The following MKX variants were observed in gnomAD, a reference collection of about 807,000 sequenced individuals.
The protein encoded by MKX is homeobox protein Mohawk.
In MKX, 13 loss-of-function variants were observed where a neutral mutation model predicts 36.0. The ratio of observed to expected loss-of-function variants is 0.36; its 90% CI spans 0.24 to 0.57. The LOEUF (loss-of-function observed/expected upper bound fraction) is 0.57, where lower values mean the gene tolerates loss of function less well. MKX is among the 20% of genes least tolerant of loss of function. The pLI is 0.79. For missense variants in MKX, 458 were observed against 456.4 expected (o/e 1.00, Z -0.03); for synonymous variants, 176 against 178.3 (o/e 0.99, Z 0.10).
At chr10:27,679,754 T>C (rs1329031904) in intron 5 of MKX, among the ~76,000 whole-genome samples, 1 of 152,228 alleles carries the variant, frequency 6.6e-6, no homozygotes, top group Non-Finnish European at 1.5e-5. Flanking sequence ...TATCATTTGA[T>C]GGGAATTCAG....
chr10:27,675,522 T>C lies in MKX; in HGVS notation c.871A>G (p.Ser291Gly). ...TLENGSNKGE[S>G]AANRKGPSKD... Reference sequence around the variant, plus strand: ...GGCCAATGGGAACATTTTGCTCACCTTTCACCCTTATTGGATCCGTTTTCC... The same window carrying C: ...GGCCAATGGGAACATTTTGCTCACCCTTCACCCTTATTGGATCCGTTTTCC... The change falls in exon 6 of 7, where the codon AGC becomes GGC. Residue 291 changes from serine to glycine, a missense_variant and splice_region_variant. Coordinates refer to ENST00000419761, the MANE Select transcript of MKX (RefSeq NM_173576.3). 6.2e-7 allele frequency: 1 copy of C among 1,614,118 alleles called. No homozygotes were observed. Among genetic ancestry groups the C allele is most frequent in the Non-Finnish European group, 8.5e-7 (1 of 1,179,994 alleles).
chr10:27,699,143 A>G (rs1836608147), intron 5 of MKX, among the ~76,000 whole-genome samples: 1 of 152,230 alleles, frequency 6.6e-6, no homozygotes, highest in African/African-American at 2.4e-5. Flanking sequence ...GAAAGAACAG[A>G]GGATCTGTCT....
At chr10:27,739,170 A>G (rs1435500960) in intron 3 of MKX, among the ~76,000 whole-genome samples, 1 of 152,094 alleles carries the variant, frequency 6.6e-6, no homozygotes, top group African/African-American at 2.4e-5. Context: ...CCCCAATCAC[A>G]TACCATTTTA....
intron 5 of MKX, among the ~76,000 whole-genome samples, chr10:27,686,443 A>C (rs1836355014): frequency 7.1e-6 from 1 of 141,400 alleles, no homozygotes; most frequent in East Asian, 2.3e-4. Context: ...GGAAGGAAGG[A>C]AGGAAAGAGG....
intron 5 of MKX, among the ~76,000 whole-genome samples, chr10:27,687,225 C>T (rs1336949926): frequency 1.3e-5 from 2 of 151,962 alleles, no homozygotes; most frequent in Non-Finnish European, 2.9e-5. Context: ...AGGCTGGTCT[C>T]GAACACATGA....
intron 5 of MKX, among the ~76,000 whole-genome samples, chr10:27,680,693 G>A (rs556651807): frequency 6.6e-6 from 1 of 152,242 alleles, no homozygotes; most frequent in Non-Finnish European, 1.5e-5. Context: ...TAATAAATAA[G>A]CTGTAAAGGG....
At chr10:27,713,036 C>T (rs901201125) in intron 5 of MKX, among the ~76,000 whole-genome samples, 2 of 152,186 alleles carry the variant, frequency 1.3e-5, no homozygotes, top group Non-Finnish European at 2.9e-5. Context: ...CGTGCACAAG[C>T]TTTCCGAGAG....
chr10:27,745,269 T>C (rs1835027714), intron 1 of MKX, among the ~76,000 whole-genome samples: 1 of 152,062 alleles, frequency 6.6e-6, no homozygotes, highest in Non-Finnish European at 1.5e-5. Flanking sequence ...CGGCGCGCTG[T>C]AGGTCTGCAG....
chr10:27,706,704 T>C (rs951481468), intron 5 of MKX, among the ~76,000 whole-genome samples: 5 of 152,176 alleles, frequency 3.3e-5, no homozygotes, highest in African/African-American at 1.2e-4. Context: ...TATATCTTCT[T>C]TGGAAAAATG....
intron 1 of MKX, among the ~76,000 whole-genome samples, chr10:27,745,135 C>T (rs1252907684): frequency 6.6e-6 from 1 of 152,160 alleles, no homozygotes; most frequent in African/African-American, 2.4e-5. Flanking sequence ...TTCTCCGAGC[C>T]ACCCCAGCGC....
At chr10:27,719,420 T>A (rs79295924) in intron 5 of MKX, among the ~76,000 whole-genome samples, 3,759 of 152,180 alleles carry the variant, frequency 0.025, 162 homozygotes, top group African/African-American at 0.086. Context: ...TACCTCTTCT[T>A]CCTCTCTGAG....
intron 5 of MKX, among the ~76,000 whole-genome samples, chr10:27,696,763 G>A (rs548466509): frequency 1.1e-4 from 16 of 152,052 alleles, no homozygotes; most frequent in African/African-American, 3.1e-4. Context: ...AGCATCCTAC[G>A]TATATCACCC....
Position 27,728,576 on chromosome 10 carries a change from G to A in MKX, c.838+5880C>T, listed in dbSNP as rs117681462. The stretch of plus-strand genomic sequence containing the variant: ...TTTGCATGTGGAATGAATGCACATA[G>A]GAGCAGCACCTCATATACCAATGGA... On this transcript the variant is annotated intron_variant, in intron 5 of 6. Transcript: ENST00000419761. 6.9e-4 allele frequency among the ~76,000 whole-genome samples: 105 copies of A among 152,334 alleles called. 2 individuals are homozygous for A. In the East Asian group the frequency reaches 0.018, roughly 26 times the overall value.
At chr10:27,695,588 A>G (rs1836540177) in intron 5 of MKX, among the ~76,000 whole-genome samples, 1 of 152,192 alleles carries the variant, frequency 6.6e-6, no homozygotes, top group Non-Finnish European at 1.5e-5. Context: ...TTTGGACAGG[A>G]AGATGCACAT....
intron 5 of MKX, among the ~76,000 whole-genome samples, chr10:27,702,705 G>T (rs1002782856): frequency 2.2e-4 from 34 of 152,074 alleles, no homozygotes; most frequent in Admixed American, 2.2e-3. Flanking sequence ...ATGCAGGATC[G>T]CAGATCAGAA....
At chr10:27,729,358 A>G (rs1834569770) in intron 5 of MKX, among the ~76,000 whole-genome samples, 1 of 136,266 alleles carries the variant, frequency 7.3e-6, no homozygotes, top group African/African-American at 2.8e-5. Flanking sequence ...CAGTGGCATG[A>G]TCTCGTGATC....
chr10:27,679,426 A>G (rs937130290), intron 5 of MKX, among the ~76,000 whole-genome samples: 2 of 152,204 alleles, frequency 1.3e-5, no homozygotes, highest in African/African-American at 4.8e-5. Flanking sequence ...CTGTGTTCAA[A>G]GTGATTTTAG....
chr10:27,717,863 G>A (rs1836993313), intron 5 of MKX, among the ~76,000 whole-genome samples: 1 of 152,162 alleles, frequency 6.6e-6, no homozygotes, highest in African/African-American at 2.4e-5. Context: ...AGCATAACAG[G>A]GACTGCCTAA....
intron 5 of MKX, among the ~76,000 whole-genome samples, chr10:27,725,355 A>G (rs1834466004): frequency 6.6e-6 from 1 of 152,192 alleles, no homozygotes; most frequent in Non-Finnish European, 1.5e-5. Flanking sequence ...ATTTAAACAC[A>G]CCACCCTTCA....
Sources: gnomAD v4.1 joint callset for allele counts (sites outside exome capture counted in the v4.1 genomes callset) on GRCh38, gnomAD v4.1.1 for gene constraint, MANE v1.5 for transcripts, NCBI Gene and HGNC (gene_info 2026-07-23, HGNC 2026-07-21) for gene names.